Variants in TRIM5 observed in about 807,000 individuals in gnomAD.
The protein encoded by TRIM5 is tripartite motif containing 5.
In TRIM5, 31 loss-of-function variants were observed where a neutral mutation model predicts 35.6. The ratio of observed to expected loss-of-function variants is 0.87; its 90% CI spans 0.65 to 1.18. The LOEUF (loss-of-function observed/expected upper bound fraction) is 1.18, where lower values mean the gene tolerates loss of function less well. Ranked by LOEUF, TRIM5 falls within the 50% of genes most tolerant of loss-of-function variation. TRIM5 has a pLI of 0.00. For missense variants in TRIM5, 609 were observed against 591.6 expected, an observed-to-expected ratio of 1.03 and a Z score of -0.31; for synonymous variants, 243 against 215.6, an observed-to-expected ratio of 1.13 and a Z score of -1.11.
chr11:5,653,472 T>C, the TRIM5 span, among the ~76,000 whole-genome samples: 1 of 151,866 alleles, frequency 6.6e-6, no homozygotes, highest in African/African-American at 2.4e-5. Context: ...AAACTGTTTT[T>C]TCCGATTTTT....
chr11:5,605,294 G>C, the TRIM5 span: 10 of 1,612,330 alleles, frequency 6.2e-6, no homozygotes, highest in Non-Finnish European at 8.5e-6. Context: ...GAGACCCTCA[G>C]TGTGACCGAC....
chr11:5,638,327 T>C, the TRIM5 span, among the ~76,000 whole-genome samples: 2 of 152,224 alleles, frequency 1.3e-5, no homozygotes, highest in African/African-American at 4.8e-5. Flanking sequence ...GAGGCCAGAA[T>C]TGTGACAGAG....
the TRIM5 span, chr11:5,596,701 A>C: frequency 1.3e-6 from 1 of 795,600 alleles, no homozygotes; most frequent in Non-Finnish European, 2.0e-6. Flanking sequence ...TTCAACGGCC[A>C]AAGGCTGGCG....
chr11:5,666,072 G>C lies in TRIM5; in HGVS notation c.777C>G (p.Asn259Lys). 1 of 1,592,676 alleles carries C rather than the reference G, an allele frequency of 6.3e-7. No individual in the cohort carries two copies. The highest frequency in any genetic ancestry group is 8.6e-7 in the Non-Finnish European group (1 of 1,168,608). Reference protein sequence around the residue: ...GVDGVIKRTENVTLKKPETFP... With the variant: ...GVDGVIKRTEKVTLKKPETFP... ...AAGTTTCTGGCTTCTTCAAGGTCAC[G>C]TTCTCCGTCCTAAGAATTAAAAAAA... Residue 259 changes from asparagine (N) to lysine (K), a missense_variant, in exon 6 of 8, where the codon AAC becomes AAG. Coordinates refer to ENST00000380034, the MANE Select transcript of TRIM5 (RefSeq NM_033034.3).
At chr11:5,629,504 T>G in the TRIM5 span, among the ~76,000 whole-genome samples, 1 of 152,198 alleles carries the variant, frequency 6.6e-6, no homozygotes, top group East Asian at 1.9e-4. Context: ...GTTTCTTGTC[T>G]AAACTGACCT....
chr11:5,684,294 GT>G (rs1163687394), intron 1 of TRIM5, among the ~76,000 whole-genome samples: 2 of 152,200 alleles, frequency 1.3e-5, no homozygotes, highest in Non-Finnish European at 2.9e-5. Flanking sequence ...GCTTTCCACT[GT>G]TTTGGGGGAG....
At chr11:5,592,130 G>A in the TRIM5 span, among the ~76,000 whole-genome samples, 7 of 152,060 alleles carry the variant, frequency 4.6e-5, no homozygotes, top group Non-Finnish European at 8.8e-5. Context: ...TAATAGGAAA[G>A]AAACAAACAA....
chr11:5,665,047 T>C lies in TRIM5; in HGVS notation c.1244A>G (p.Asp415Gly), dbSNP rs1851020892. The C allele has an allele frequency of 1.9e-6, 3 of 1,613,926 alleles. No homozygotes were observed. The highest frequency in any genetic ancestry group is 2.7e-5 in the African/African-American group (2 of 74,900). Residue 415 changes from aspartate to glycine, a missense_variant, in exon 8 of 8, where the codon GAT (aspartate) becomes GGT (glycine). Transcript: ENST00000380034. ...AACAGAAGGAGTATGGAAGGAACTA[T>C]CCTGGAAAGCACTACATTTAACTCC... is the stretch of plus-strand genomic sequence containing the variant. Reference protein sequence around the residue: ...EEGVKCSAFQDSSFHTPSVPF... With the variant: ...EEGVKCSAFQGSSFHTPSVPF...
intron 4 of TRIM5, among the ~76,000 whole-genome samples, chr11:5,674,561 G>C (rs1290425758): frequency 6.6e-6 from 1 of 152,218 alleles, no homozygotes; most frequent in Non-Finnish European, 1.5e-5. Context: ...AACCCAGCCT[G>C]GCAGGTCTGA....
the TRIM5 span, among the ~76,000 whole-genome samples, chr11:5,629,714 GTT>G: frequency 6.6e-6 from 1 of 152,138 alleles, no homozygotes; most frequent in African/African-American, 2.4e-5. Flanking sequence ...CTTTTGTTTT[GTT>G]TTGTTTTTTG....
the TRIM5 span, among the ~76,000 whole-genome samples, chr11:5,615,933 ATTTTTTT>A: frequency 8.2e-6 from 1 of 121,382 alleles, no homozygotes; most frequent in South Asian, 2.5e-4. Flanking sequence ...ATATCTTTTC[ATTTTTTT>A]TTTTTTTTTT....
rs773969456 is a variant in TRIM5 at position 5,678,453 on chromosome 11, A to G, written c.514-19T>C. 2.0e-6 allele frequency: 3 copies of G among 1,489,308 alleles called. No homozygotes were observed. In the East Asian group the frequency reaches 7.1e-5, roughly 35 times the overall value. The allele number at this position is 1,489,308 out of a possible 1,614,324, so 92.3% of individuals were successfully genotyped here. Reference sequence around the variant, plus strand: ...TTTGAGTCTTCAGAGATAAGAGAAGAGAAAGGGGCACTCAGTCTACCAGGC... The same window carrying G: ...TTTGAGTCTTCAGAGATAAGAGAAGGGAAAGGGGCACTCAGTCTACCAGGC... On this transcript the variant is annotated intron_variant, in intron 3 of 7. Transcript: ENST00000380034.
At chr11:5,668,034 ATAAT>A (rs1226700634) in intron 4 of TRIM5, among the ~76,000 whole-genome samples, 2 of 152,204 alleles carry the variant, frequency 1.3e-5, no homozygotes, top group African/African-American at 4.8e-5. Context: ...AATGATTTAA[ATAAT>A]TAGTGCTTCT....
At chr11:5,662,081 T>C (rs1850846083), downstream of TRIM5, among the ~76,000 whole-genome samples, 1 of 152,230 alleles carries the variant, frequency 6.6e-6, no homozygotes, top group South Asian at 2.1e-4. Flanking sequence ...GGAAAATTTA[T>C]AGCATCAACC....
At chr11:5,643,503 G>A in the TRIM5 span, 2 of 1,614,122 alleles carry the variant, frequency 1.2e-6, no homozygotes, top group Non-Finnish European at 1.7e-6. Context: ...TGATCCCGAG[G>A]TTTTGACTCT....
the TRIM5 span, among the ~76,000 whole-genome samples, chr11:5,657,452 A>C: frequency 3.5e-5 from 5 of 144,408 alleles, no homozygotes; most frequent in African/African-American, 1.3e-4. Flanking sequence ...CAGAACTTAA[A>C]GTGTATATAT....
chr11:5,643,363 T>C, the TRIM5 span: 45 of 1,613,982 alleles, frequency 2.8e-5, no homozygotes, highest in Non-Finnish European at 3.4e-5. Flanking sequence ...TCCCGCCATA[T>C]GAAGTATGTT....
the TRIM5 span, chr11:5,588,815 G>C: frequency 2.0e-5 from 3 of 148,910 alleles, no homozygotes; most frequent in African/African-American, 7.5e-5. Flanking sequence ...ATGGAGTGTC[G>C]CTTTGTTGCC....
At chr11:5,595,985 A>T in the TRIM5 span, 2 of 152,564 alleles carry the variant, frequency 1.3e-5, no homozygotes. Flanking sequence ...CTGGCCTCAG[A>T]AACCATCTCC....
Sources: gnomAD v4.1 joint callset for allele counts (sites outside exome capture counted in the v4.1 genomes callset) on GRCh38, gnomAD v4.1.1 for gene constraint, MANE v1.5 for transcripts, NCBI Gene and HGNC (gene_info 2026-07-23, HGNC 2026-07-21) for gene names.